The following SLC6A17 variants were observed in gnomAD, a reference collection of about 807,000 sequenced individuals.
The protein encoded by SLC6A17 is solute carrier family 6 member 17, also known as sodium-dependent neutral amino acid transporter SLC6A17.
SLC6A17 carries 21 observed loss-of-function variants against 64.5 expected under a neutral mutation model. The ratio of observed to expected loss-of-function variants is 0.33; its 90% CI spans 0.23 to 0.47. The LOEUF (loss-of-function observed/expected upper bound fraction) is 0.47. Among genes scored for constraint, SLC6A17 ranks in the 20% least tolerant of loss-of-function variants. SLC6A17 has a pLI of 1.00. For missense variants in SLC6A17, 682 were observed against 963.2 expected, an observed-to-expected ratio of 0.71 and a Z score of 3.86; for synonymous variants, 372 against 399.5, an observed-to-expected ratio of 0.93 and a Z score of 0.82.
rs775389482 is a variant in SLC6A17, at chr1:110,191,956, T to C, written c.865-16T>C. On this transcript the variant is annotated splice_polypyrimidine_tract_variant and intron_variant, in intron 6 of 11. Coordinates refer to ENST00000331565, the MANE Select transcript of SLC6A17 (RefSeq NM_001010898.4). ...TGTGTCTCTTTTCTTCCTCCTGCCT[T>C]GGTCTTCTGCCATAGCTGGACAAGA... The C allele has an allele frequency of 6.2e-7, 1 of 1,610,096 alleles. No homozygotes were observed. Among genetic ancestry groups the C allele is most frequent in the Non-Finnish European group, 8.5e-7 (1 of 1,177,032 alleles).
At chr1:110,183,562 A>T (rs931571000) in intron 6 of SLC6A17, among the ~76,000 whole-genome samples, 3 of 152,216 alleles carry the variant, frequency 2.0e-5, no homozygotes, top group Non-Finnish European at 1.5e-5. Context: ...TAATAGTTAC[A>T]CAACAGTGTG....
chr1:110,151,224 A>C (rs915767830), intron 1 of SLC6A17, among the ~76,000 whole-genome samples: 4 of 152,136 alleles, frequency 2.6e-5, no homozygotes, highest in Non-Finnish European at 5.9e-5. Flanking sequence ...GGAGAACCGG[A>C]GGGGGCCTGT....
At position 110,187,259 on chromosome 1, in the gene SLC6A17, G is replaced by A. The variant is rs112988916; in HGVS notation, c.865-4713G>A. Among the ~76,000 whole-genome samples, 1,154 of 152,270 alleles carry A rather than the reference G, an allele frequency of 7.6e-3. 7 individuals are homozygous for A. Among genetic ancestry groups the A allele is most frequent in the South Asian group, 0.012 (60 of 4,814 alleles). On this transcript the variant is annotated intron_variant, in intron 6 of 11. Coordinates refer to ENST00000331565, the MANE Select transcript of SLC6A17 (RefSeq NM_001010898.4). ...CAATTCGCGAATCGGGCAGCCTTCCGAGCCAGAGTAGGTTCAGAGACTCCA... is the reference window on the plus strand; with the variant it reads ...CAATTCGCGAATCGGGCAGCCTTCCAAGCCAGAGTAGGTTCAGAGACTCCA...
chr1:110,186,512 T>C lies in SLC6A17; in HGVS notation c.865-5460T>C, dbSNP rs17025518. 6.1e-3 allele frequency among the ~76,000 whole-genome samples: 911 copies of C among 150,528 alleles called. 7 individuals carry two copies. Among genetic ancestry groups the C allele is most frequent in the African/African-American group, 0.02 (819 of 40,770 alleles). On this transcript the variant is annotated intron_variant, in intron 6 of 11. Transcript: ENST00000331565. The stretch of plus-strand genomic sequence containing the variant: ...AATGAAGCCAGTATTAAAATAGCCA[T>C]GTTTTAGAAAGTAGAAGTTTGAAGT...
intron 6 of SLC6A17, among the ~76,000 whole-genome samples, chr1:110,180,170 C>T (rs1380839428): frequency 1.3e-5 from 2 of 152,242 alleles, no homozygotes; most frequent in African/African-American, 4.8e-5. Flanking sequence ...CAAACCTGAA[C>T]TCATGTCCAC....
chr1:110,172,092 A>T lies in SLC6A17; in HGVS notation c.319A>T (p.Ile107Phe), dbSNP rs199640001. 3.7e-6 allele frequency: 6 copies of T among 1,613,994 alleles called. No individual in the cohort carries two copies. In the East Asian group the frequency reaches 1.3e-4, roughly 36 times the overall value. ...AYLVPYLVLL[I>F]IIGIPLFFLE... ...CCTGGTGCCCTACCTGGTGCTGCTG[A>T]TCATCATCGGGATCCCCCTCTTCTT... Residue 107 changes from isoleucine (I) to phenylalanine (F), a missense_variant, in exon 3 of 12, where the codon ATC becomes TTC. Transcript: ENST00000331565.
In SLC6A17 at chr1:110,199,932, G is replaced by C. The variant is rs1483442379; in HGVS notation, c.*1488G>C. The C allele has an allele frequency of 7.6e-6, 3 of 394,616 alleles. No homozygotes were observed. Among genetic ancestry groups the C allele is most frequent in the East Asian group, 7.2e-5 (2 of 27,814 alleles). 24.4% of individuals were successfully genotyped at this position (394,616 alleles called of 1,614,324 possible). On this transcript the variant is annotated 3_prime_UTR_variant, in exon 12 of 12. Coordinates refer to ENST00000331565, the MANE Select transcript of SLC6A17 (RefSeq NM_001010898.4). ...ATGGATGGATGGATGGATGGGTTGG[G>C]GGGTGGGGGTGGATGGATAGATGGA...
In SLC6A17 at chr1:110,192,600, G is replaced by A. The variant is rs755241572; in HGVS notation, c.1201G>A (p.Asp401Asn). 2 of 1,614,050 alleles carry A rather than the reference G, an allele frequency of 1.2e-6. No individual in the cohort carries two copies. The highest frequency in any genetic ancestry group is 1.7e-6 in the Non-Finnish European group (2 of 1,180,032). The part of the protein sequence containing the change: ...HVNFSHLTTK[D>N]YMEMYNVIMT... The stretch of plus-strand genomic sequence containing the variant: ...CAACTTCTCCCACCTGACCACAAAG[G>A]ACTACATGGAGATGTACAATGTCAT... Residue 401 changes from aspartate (D) to asparagine (N), a missense_variant, in exon 8 of 12, where the codon GAC becomes AAC. Physicochemically the swap from Asp to Asn is conservative, Grantham distance 23. Transcript: ENST00000331565. This position sits in a 1 kb window ranked among gnomAD's most constrained non-coding sequence, Gnocchi z 4.3.
In SLC6A17 at chr1:110,192,780, C is replaced by T; in HGVS notation, c.1299+82C>T. 7.0e-7 allele frequency: 1 copy of T among 1,434,526 alleles called. No homozygotes were observed. The highest frequency in any genetic ancestry group is 9.4e-7 in the Non-Finnish European group (1 of 1,061,782). 88.9% of individuals were successfully genotyped at this position (1,434,526 alleles called of 1,614,324 possible). On this transcript the variant is annotated intron_variant, in intron 8 of 11. Transcript: ENST00000331565. The surrounding 1 kb of genome is among the most constrained non-coding windows in gnomAD (Gnocchi z 4.3). ...CCGGCGGGAGCTTGGGCTCAGGCCT[C>T]AGGATGCTGACAGGTAGTCATTAGT...
intron 4 of SLC6A17, 23 bp from the exon 5 acceptor site, chr1:110,174,756 T>G (rs1388822279): frequency 7.4e-6 from 12 of 1,611,226 alleles, no homozygotes; most frequent in African/African-American, 2.7e-5. Context: ...ACTGAGGCCC[T>G]GTGACCTTTG....
At chr1:110,195,855 C>T (rs567436248) in intron 10 of SLC6A17, 110 bp downstream of exon 10, 85 of 1,471,616 alleles carry the variant, frequency 5.8e-5, no homozygotes, top group East Asian at 2.3e-4. Context: ...AGTGCCCTTA[C>T]GGATCATTTA....
In SLC6A17 at chr1:110,187,239, C is replaced by T. The variant is rs566736705; in HGVS notation, c.865-4733C>T. Among the ~76,000 whole-genome samples the T allele has an allele frequency of 2.4e-4, 35 of 147,914 alleles. 1 individual carries two copies. In the East Asian group the frequency reaches 6.4e-3, roughly 27 times the overall value. On this transcript the variant is annotated intron_variant, in intron 6 of 11. Coordinates refer to ENST00000331565, the MANE Select transcript of SLC6A17 (RefSeq NM_001010898.4). ...AATTCGCTAATCAGGCAGAACAATT[C>T]GCGAATCGGGCAGCCTTCCGAGCCA...
chr1:110,166,971 T>C lies in SLC6A17; in HGVS notation c.42T>C (p.Ser14=), dbSNP rs1656078538. Residue 14 remains serine (S), a synonymous_variant, in exon 2 of 12, where the codon AGT becomes AGC. Coordinates refer to ENST00000331565, the MANE Select transcript of SLC6A17 (RefSeq NM_001010898.4). ...NSKVTQREHS[S]EHVTESVADL... ...AAGTGACCCAGCGTGAGCACAGCAG[T>C]GAGCATGTCACTGAGTCCGTGGCCG... is the stretch of plus-strand genomic sequence containing the variant. The C allele has an allele frequency of 6.2e-7, 1 of 1,613,794 alleles. No individual in the cohort carries two copies. The highest frequency in any genetic ancestry group is 8.5e-7 in the Non-Finnish European group (1 of 1,179,866).
chr1:110,154,867 C>T (rs1655713946), intron 1 of SLC6A17, among the ~76,000 whole-genome samples: 3 of 152,202 alleles, frequency 2.0e-5, no homozygotes, highest in Admixed American at 6.5e-5. Flanking sequence ...ACTAACACTT[C>T]AAGGTTATTT....
At chr1:110,186,264 T>C (rs559953231) in intron 6 of SLC6A17, among the ~76,000 whole-genome samples, 47 of 152,178 alleles carry the variant, frequency 3.1e-4, no homozygotes, top group Admixed American at 1.6e-3. Flanking sequence ...CTGCCTCCAT[T>C]TATGAAATTT....
intron 3 of SLC6A17, 68 bp from the exon 4 acceptor site, chr1:110,173,905 G>T (rs993726124): frequency 6.4e-6 from 10 of 1,574,732 alleles, no homozygotes; most frequent in Non-Finnish European, 7.8e-6. Flanking sequence ...GCTGGGCCTC[G>T]GGTGGAGCGT....
chr1:110,182,614 A>C (rs1159705808), intron 6 of SLC6A17, among the ~76,000 whole-genome samples: 1 of 119,960 alleles, frequency 8.3e-6, no homozygotes, highest in Non-Finnish European at 1.9e-5. Flanking sequence ...AGGTCGAAGA[A>C]TAGGAGCAGA....
rs1198213082 is a variant in SLC6A17 at position 110,166,885 on chromosome 1, TCTC to T, written c.-44_-42del. 1 of 1,552,742 alleles carries T rather than the reference TCTC, an allele frequency of 6.4e-7. No homozygotes were observed. The highest frequency in any genetic ancestry group is 1.8e-5 in the Admixed American group (1 of 54,952). ...AGCTGACAGCAGCTGAATTCCATCT[TCTC>T]TGTGTGCTGGGGAGCAGGGCTACAC... On this transcript the variant is annotated 5_prime_UTR_variant, in exon 2 of 12. Coordinates refer to ENST00000331565, the MANE Select transcript of SLC6A17 (RefSeq NM_001010898.4).
At chr1:110,173,935 C>A in intron 3 of SLC6A17, 38 bp from the exon 4 acceptor site, 1 of 1,585,998 alleles carries the variant, frequency 6.3e-7, no homozygotes, top group South Asian at 1.2e-5. Context: ...GTGGAGTTGC[C>A]TGCAGCCTCA....
Sources: allele counts gnomAD v4.1 joint callset (sites outside exome capture counted in the v4.1 genomes callset), GRCh38; gene constraint gnomAD v4.1.1; non-coding constraint Gnocchi (gnomAD v3.1); transcripts MANE v1.5; gene names NCBI Gene and HGNC (gene_info 2026-07-23, HGNC 2026-07-21).